The following TOX2 variants were observed in gnomAD, a reference collection of about 807,000 sequenced individuals.
TOX2 encodes TOX high mobility group box family member 2.
TOX2 carries 15 observed loss-of-function variants against 47.4 expected under a neutral mutation model. The observed-to-expected ratio is 0.32, with a 90% confidence interval of 0.21 to 0.49. TOX2 has a LOEUF of 0.49. Ranked by LOEUF, TOX2 falls within the 20% of genes least tolerant of loss-of-function variation. TOX2 has a pLI of 0.99. For missense variants in TOX2, 622 were observed against 673.1 expected (o/e 0.92, Z 0.84); for synonymous variants, 290 against 296.6 (o/e 0.98, Z 0.23).
intron 2 of TOX2, among the ~76,000 whole-genome samples, chr20:44,006,161 C>T (rs1307009142): frequency 6.6e-6 from 1 of 152,216 alleles, no homozygotes; most frequent in Non-Finnish European, 1.5e-5. Context: ...ACTCTTCCCC[C>T]AGCCATGGAT....
At position 44,023,431 on chromosome 20, in the gene TOX2, G is replaced by GGAAAAAAAAAAAAAAAAAAAAAAAAAAAA; in HGVS notation, c.411+16639_411+16640insGAAAAAAAAAAAAAAAAAAAAAAAAAAAA. ...GGTGACAGAGCTAGACTTTATCTCA[G>GGAAAAAAAAAAAAAAAAAAAAAAAAAAAA]AAAAAAAAAAAAAAAAAAAGGAGGG... On this transcript the variant is annotated intron_variant, in intron 3 of 8. Transcript: ENST00000341197. Among the ~76,000 whole-genome samples, 2 of 119,148 alleles carry GGAAAAAAAAAAAAAAAAAAAAAAAAAAAA rather than the reference G, an allele frequency of 1.7e-5. 1 individual carries two copies. Among genetic ancestry groups the GGAAAAAAAAAAAAAAAAAAAAAAAAAAAA allele is most frequent in the Non-Finnish European group, 3.4e-5 (2 of 59,324 alleles). The allele number at this position is 119,148 out of a possible 152,430, so 78.2% of individuals were successfully genotyped here. A position where few individuals can be genotyped will look rare whatever the true frequency, so the allele number is the denominator to read the frequency against.
At chr20:44,048,388 T>TTTTATATATATATATATATATATATA (rs1555845973) in intron 3 of TOX2, among the ~76,000 whole-genome samples, 1 of 86,868 alleles carries the variant, frequency 1.2e-5, no homozygotes, top group Non-Finnish European at 2.3e-5. Context: ...TAAAATGAAT[T>TTTTATATATATATATATATATATATA]TATATATATA....
At chr20:44,021,929 C>T (rs771377655) in intron 3 of TOX2, among the ~76,000 whole-genome samples, 1 of 152,148 alleles carries the variant, frequency 6.6e-6, no homozygotes, top group Non-Finnish European at 1.5e-5. Flanking sequence ...AGCCACCACA[C>T]CCAGCCTAAC....
intron 8 of TOX2, 63 bp downstream of exon 8, chr20:44,066,920 A>G (rs2071834319): frequency 1.3e-6 from 2 of 1,565,422 alleles, no homozygotes; most frequent in African/African-American, 2.7e-5. Flanking sequence ...CAGGATGGCC[A>G]GGGATGGGAG....
intron 2 of TOX2, among the ~76,000 whole-genome samples, chr20:44,005,677 G>T (rs890829304): frequency 6.6e-6 from 1 of 152,130 alleles, no homozygotes; most frequent in Non-Finnish European, 1.5e-5. Flanking sequence ...AAAGGAGAAA[G>T]GTCATTTGAG....
At chr20:43,927,511 A>ACG (rs1491163655) in intron 1 of TOX2, among the ~76,000 whole-genome samples, 2 of 132,518 alleles carry the variant, frequency 1.5e-5, no homozygotes, top group African/African-American at 5.6e-5. Context: ...ACACACACAC[A>ACG]TCATGAGATA....
At chr20:44,063,195 G>C (rs1432054982) in intron 5 of TOX2, among the ~76,000 whole-genome samples, 1 of 152,136 alleles carries the variant, frequency 6.6e-6, no homozygotes, top group Non-Finnish European at 1.5e-5. Flanking sequence ...AGGGTAAACA[G>C]ACAACCCACA....
At chr20:43,929,467 A>G (rs1040432256) in intron 1 of TOX2, among the ~76,000 whole-genome samples, 15 of 151,606 alleles carry the variant, frequency 9.9e-5, no homozygotes, top group African/African-American at 3.4e-4. Flanking sequence ...CATTCCAGTC[A>G]CCTGGCCTTC....
chr20:44,044,776 G>A (rs973283763), intron 3 of TOX2, among the ~76,000 whole-genome samples: 1 of 152,248 alleles, frequency 6.6e-6, no homozygotes, highest in African/African-American at 2.4e-5. Context: ...GGAATTCTGG[G>A]TGTCTACTCG....
chr20:43,987,533 T>C (rs1234190547), intron 2 of TOX2, among the ~76,000 whole-genome samples: 1 of 152,184 alleles, frequency 6.6e-6, no homozygotes, highest in African/African-American at 2.4e-5. Flanking sequence ...TTCAATAAGG[T>C]GTAAAAAAAG....
Position 43,973,389 on chromosome 20 carries a change from T to C in TOX2, c.122T>C (p.Val41Ala), listed in dbSNP as rs2070012101. The stretch of plus-strand genomic sequence containing the variant: ...TAGTTTGATGGTGACAGTGCCTACG[T>C]GGGGATGAGTGACGGAAACCCAGAG... ...GGKFDGDSAY[V>A]GMSDGNPELL... The change falls in exon 2 of 9, where the codon GTG (valine) becomes GCG (alanine). Residue 41 changes from valine to alanine, a missense_variant. Transcript: ENST00000341197. The C allele has an allele frequency of 1.2e-6, 2 of 1,613,940 alleles. No homozygotes were observed. The highest frequency in any genetic ancestry group is 1.6e-4 in the Middle Eastern group (1 of 6,082).
chr20:44,014,167 A>T (rs2070832991), intron 3 of TOX2, among the ~76,000 whole-genome samples: 1 of 142,846 alleles, frequency 7.0e-6, no homozygotes, highest in Admixed American at 7.0e-5. Flanking sequence ...GAAAAGAGAG[A>T]TGTGTGTCTC....
chr20:44,026,734 C>T (rs886595393), intron 3 of TOX2, among the ~76,000 whole-genome samples: 5 of 152,194 alleles, frequency 3.3e-5, no homozygotes, highest in South Asian at 4.2e-4. Context: ...GTAAATTAGG[C>T]GGTAGGAACC....
chr20:43,962,202 G>A (rs1462860510), intron 1 of TOX2, among the ~76,000 whole-genome samples: 1 of 152,240 alleles, frequency 6.6e-6, no homozygotes, highest in African/African-American at 2.4e-5. Context: ...ACCAGGGAAG[G>A]AAGAAATACA....
chr20:44,057,520 A>G (rs1237483503), intron 5 of TOX2, among the ~76,000 whole-genome samples: 1 of 151,494 alleles, frequency 6.6e-6, no homozygotes, highest in Non-Finnish European at 1.5e-5. Flanking sequence ...CTATCCCCCA[A>G]AAGTTTCAAG....
intron 1 of TOX2, among the ~76,000 whole-genome samples, chr20:43,953,422 G>A (rs544941193): frequency 6.6e-6 from 1 of 152,264 alleles, no homozygotes; most frequent in African/African-American, 2.4e-5. Flanking sequence ...TCACGTTCAT[G>A]CACAGGCAGA....
chr20:44,014,116 G>C (rs2070830294), intron 3 of TOX2, among the ~76,000 whole-genome samples: 1 of 116,754 alleles, frequency 8.6e-6, no homozygotes, highest in African/African-American at 3.3e-5. Flanking sequence ...GGGTGACAGA[G>C]TGAGACTATC....
intron 3 of TOX2, among the ~76,000 whole-genome samples, chr20:44,021,272 G>A (rs2070971350): frequency 6.6e-6 from 1 of 152,176 alleles, no homozygotes; most frequent in Admixed American, 6.5e-5. Flanking sequence ...GATCATAGGA[G>A]GACAGAGTGT....
At chr20:44,005,517 T>C (rs762322602) in intron 2 of TOX2, among the ~76,000 whole-genome samples, 2 of 152,204 alleles carry the variant, frequency 1.3e-5, no homozygotes, top group Non-Finnish European at 2.9e-5. Flanking sequence ...GTGAACCTGA[T>C]ACAAAAGTCC....
Sources: gnomAD v4.1 joint callset for allele counts (sites outside exome capture counted in the v4.1 genomes callset) on GRCh38, gnomAD v4.1.1 for gene constraint, MANE v1.5 for transcripts, NCBI Gene and HGNC (gene_info 2026-07-23, HGNC 2026-07-21) for gene names.